The following CHD7 variants were observed in gnomAD, a reference collection of about 807,000 sequenced individuals.
CHD7 encodes the protein chromodomain helicase DNA binding protein 7.
In CHD7, 24 loss-of-function variants were observed where a neutral mutation model predicts 307.3. The observed-to-expected ratio is 0.08, with a 90% confidence interval of 0.06 to 0.11. The LOEUF (loss-of-function observed/expected upper bound fraction) is 0.11. Ranked by LOEUF, CHD7 falls within the 10% of genes least tolerant of loss-of-function variation. CHD7 has a pLI of 1.00. For missense variants in CHD7, 3,106 were observed against 3,727.1 expected, an observed-to-expected ratio of 0.83 and a Z score of 4.34; for synonymous variants, 1,363 against 1,349.9, an observed-to-expected ratio of 1.01 and a Z score of -0.21.
intron 3 of CHD7, among the ~76,000 whole-genome samples, chr8:60,782,135 A>G (rs1811270014): frequency 6.6e-6 from 1 of 152,210 alleles, no homozygotes; most frequent in Non-Finnish European, 1.5e-5. Flanking sequence ...GTTTCTTACA[A>G]CTGTTCTGAA....
At chr8:60,745,350 ATTG>A (rs1242225397) in intron 2 of CHD7, among the ~76,000 whole-genome samples, 1 of 152,136 alleles carries the variant, frequency 6.6e-6, no homozygotes, top group African/African-American at 2.4e-5. Flanking sequence ...CTGGATGAGA[ATTG>A]TTGCTCTCCT....
chr8:60,775,914 C>T (rs544444308), intron 2 of CHD7, among the ~76,000 whole-genome samples: 11 of 149,240 alleles, frequency 7.4e-5, no homozygotes, highest in East Asian at 3.9e-4. Flanking sequence ...CATACCACCA[C>T]GCCCGGCTAA....
At chr8:60,776,745 C>T (rs895217409) in intron 2 of CHD7, among the ~76,000 whole-genome samples, 2 of 152,152 alleles carry the variant, frequency 1.3e-5, no homozygotes, top group African/African-American at 2.4e-5. Flanking sequence ...TTGCTAAATG[C>T]TCTTTTGAAT....
chr8:60,724,853 A>G (rs1442228187), intron 1 of CHD7, among the ~76,000 whole-genome samples: 1 of 152,242 alleles, frequency 6.6e-6, no homozygotes, highest in Non-Finnish European at 1.5e-5. Flanking sequence ...GCTGATGTTA[A>G]GTCATAGGCC....
chr8:60,821,619 T>C (rs113521880), intron 9 of CHD7, among the ~76,000 whole-genome samples, 171 bp from the exon 10 acceptor site: 29 of 150,748 alleles, frequency 1.9e-4, no homozygotes, highest in Middle Eastern at 3.6e-3. Flanking sequence ...TATAAACATA[T>C]ATATACATAT....
intron 1 of CHD7, among the ~76,000 whole-genome samples, chr8:60,716,370 C>T (rs1807600528): frequency 6.6e-6 from 1 of 152,212 alleles, no homozygotes; most frequent in Non-Finnish European, 1.5e-5. Context: ...ACAGAAGTAC[C>T]CTCTGCTCCA....
Position 60,796,322 on chromosome 8 carries a change from T to C in CHD7, c.2238+1195T>C, listed in dbSNP as rs1373216142. Among the ~76,000 whole-genome samples the C allele has an allele frequency of 2.6e-5, 4 of 152,252 alleles. No individual in the cohort carries two copies. In the East Asian group the frequency reaches 7.7e-4, roughly 29 times the overall value. On this transcript the variant is annotated intron_variant, in intron 4 of 37. Coordinates refer to ENST00000423902, the MANE Select transcript of CHD7 (RefSeq NM_017780.4). ...CATTTTTTAATTGCGTAGGCTGTTT[T>C]ACAACTAAAGTGTTTTATTGATTTT...
At chr8:60,747,762 T>G (rs1023737884) in intron 2 of CHD7, among the ~76,000 whole-genome samples, 9 of 152,196 alleles carry the variant, frequency 5.9e-5, no homozygotes, top group African/African-American at 2.2e-4. Flanking sequence ...GAGTCTGAGT[T>G]TTTGAATAGG....
At chr8:60,805,071 A>C (rs571587728) in intron 6 of CHD7, among the ~76,000 whole-genome samples, 1 of 152,292 alleles carries the variant, frequency 6.6e-6, no homozygotes, top group African/African-American at 2.4e-5. Context: ...TTAGTTATTC[A>C]TTGCCTATGC....
chr8:60,692,881 C>T (rs1806271359), intron 1 of CHD7, among the ~76,000 whole-genome samples: 1 of 152,160 alleles, frequency 6.6e-6, no homozygotes, highest in Non-Finnish European at 1.5e-5. Flanking sequence ...CCACAGCAAC[C>T]TTATTTGCTA....
At chr8:60,832,952 G>A (rs1371132306) in intron 15 of CHD7, among the ~76,000 whole-genome samples, 2 of 152,216 alleles carry the variant, frequency 1.3e-5, no homozygotes, top group African/African-American at 4.8e-5. Flanking sequence ...TGTTAAGCAG[G>A]TGTCTTTGTC....
intron 2 of CHD7, among the ~76,000 whole-genome samples, chr8:60,767,390 G>A (rs4500113): frequency 2.0e-5 from 3 of 152,048 alleles, no homozygotes; most frequent in Non-Finnish European, 4.4e-5. Flanking sequence ...TTCAAAAGTA[G>A]GTTGGTAGGT....
In CHD7 at chr8:60,742,210, C is replaced by A; in HGVS notation, c.778C>A (p.Pro260Thr). Reference protein sequence around the residue: ...RHSVQQFHHHPSTALHGESVA... With the variant: ...RHSVQQFHHHTSTALHGESVA... ...CTCGGTGCAGCAGTTCCATCACCAC[C>A]CCTCTACTGCTCTCCATGGAGAATC... is the stretch of plus-strand genomic sequence containing the variant. Residue 260 changes from proline (P) to threonine (T), a missense_variant, in exon 2 of 38, where the codon CCC becomes ACC. Around this residue, in one of 10 missense-constraint regions of CHD7, gnomAD observed 998 missense variants for 1,004.5 expected, o/e 0.99. Coordinates refer to ENST00000423902, the MANE Select transcript of CHD7 (RefSeq NM_017780.4). The A allele has an allele frequency of 1.9e-6, 3 of 1,613,896 alleles. No individual in the cohort carries two copies. The South Asian group carries it at 3.3e-5, about 18-fold the overall frequency.
intron 6 of CHD7, among the ~76,000 whole-genome samples, chr8:60,806,232 C>T (rs560046025): frequency 9.2e-5 from 14 of 152,104 alleles, no homozygotes; most frequent in African/African-American, 2.7e-4. Flanking sequence ...GGCATGGTGG[C>T]GGGGCCTGTA....
intron 35 of CHD7, 177 bp from the exon 36 acceptor site, chr8:60,862,019 G>A: frequency 2.0e-6 from 1 of 508,772 alleles, no homozygotes; most frequent in Non-Finnish European, 3.3e-6. Flanking sequence ...TAATGGACGG[G>A]TAAAATAGGA....
intron 13 of CHD7, chr8:60,825,134 GAGA>G (rs1413588604): frequency 6.6e-6 from 1 of 152,180 alleles, no homozygotes; most frequent in African/African-American, 2.4e-5. Context: ...AGTTTGAGAT[GAGA>G]AGGAGTGTTC....
chr8:60,788,200 T>A (rs539671768), intron 3 of CHD7, among the ~76,000 whole-genome samples: 1 of 151,826 alleles, frequency 6.6e-6, no homozygotes, highest in South Asian at 2.1e-4. Flanking sequence ...CTCAGCTCAC[T>A]GCAGCCTCAG....
intron 2 of CHD7, among the ~76,000 whole-genome samples, chr8:60,765,165 G>A (rs1429456553): frequency 6.6e-6 from 1 of 151,832 alleles, no homozygotes; most frequent in African/African-American, 2.4e-5. Flanking sequence ...TAGGCCTCTG[G>A]TATGTGTCAG....
chr8:60,839,726 G>C (rs1488384694), intron 19 of CHD7, among the ~76,000 whole-genome samples: 4 of 152,134 alleles, frequency 2.6e-5, no homozygotes, highest in Non-Finnish European at 5.9e-5. Context: ...TTATTGGCCA[G>C]ATGTAGATCA....
Sources: allele counts gnomAD v4.1 joint callset (sites outside exome capture counted in the v4.1 genomes callset), GRCh38; gene constraint gnomAD v4.1.1; regional missense constraint gnomAD v4.1.1; transcripts MANE v1.5; gene names NCBI Gene and HGNC (gene_info 2026-07-23, HGNC 2026-07-21).